The following FGGY variants were observed in gnomAD, a reference collection of about 807,000 sequenced individuals.
FGGY encodes FGGY carbohydrate kinase domain-containing protein.
In FGGY, 72 loss-of-function variants were observed where a neutral mutation model predicts 71.3. The ratio of observed to expected loss-of-function variants is 1.01; its 90% CI spans 0.84 to 1.23. The LOEUF (loss-of-function observed/expected upper bound fraction) is 1.23. Among genes scored for constraint, FGGY ranks in the 50% most tolerant of loss-of-function variants. The probability of loss-of-function intolerance (pLI) is 0.00; values close to 1 mark genes in which losing one functional copy is unlikely to be tolerated. For synonymous variants in FGGY, 251 were observed against 250.3 expected (o/e 1.00, Z -0.02); for missense variants, 668 against 682.3 (o/e 0.98, Z 0.23).
At chr1:59,451,052 T>G (rs2072582657) in intron 5 of FGGY, among the ~76,000 whole-genome samples, 1 of 152,072 alleles carries the variant, frequency 6.6e-6, no homozygotes, top group African/African-American at 2.4e-5. Flanking sequence ...TGTTCCATCT[T>G]ATTTTGTTTT....
At chr1:59,482,600 GTA>G (rs1289753356) in intron 6 of FGGY, among the ~76,000 whole-genome samples, 1 of 145,570 alleles carries the variant, frequency 6.9e-6, no homozygotes, top group Non-Finnish European at 1.5e-5. Flanking sequence ...GTCTGTGTGT[GTA>G]TATATACATA....
At chr1:59,640,275 A>G (rs1369660857) in intron 11 of FGGY, among the ~76,000 whole-genome samples, 1 of 152,208 alleles carries the variant, frequency 6.6e-6, no homozygotes, top group Admixed American at 6.5e-5. Context: ...AGCAATTCTG[A>G]GCTAAACACT....
intron 10 of FGGY, among the ~76,000 whole-genome samples, chr1:59,632,808 C>T (rs1010892665): frequency 6.6e-6 from 1 of 152,030 alleles, no homozygotes; most frequent in Admixed American, 6.6e-5. Flanking sequence ...AACCTTGGAC[C>T]GTCATTCTGA....
intron 7 of FGGY, among the ~76,000 whole-genome samples, chr1:59,517,305 G>A (rs1039755626): frequency 2.6e-5 from 3 of 114,498 alleles, no homozygotes; most frequent in African/African-American, 3.5e-5. Flanking sequence ...TCGCTCTGTC[G>A]CCCAGGCTGG....
intron 11 of FGGY, among the ~76,000 whole-genome samples, chr1:59,642,165 G>A (rs2097036635): frequency 6.6e-6 from 1 of 152,170 alleles, no homozygotes; most frequent in Admixed American, 6.5e-5. Flanking sequence ...TGTAAACTTG[G>A]GAGGAAGGGT....
intron 12 of FGGY, among the ~76,000 whole-genome samples, chr1:59,664,387 T>G (rs2097305014): frequency 6.6e-6 from 1 of 152,190 alleles, no homozygotes; most frequent in Admixed American, 6.5e-5. Context: ...CAATACCACA[T>G]GGGGGAGAGA....
chr1:59,597,249 G>T (rs1372415120), intron 8 of FGGY, among the ~76,000 whole-genome samples: 1 of 152,190 alleles, frequency 6.6e-6, no homozygotes, highest in Non-Finnish European at 1.5e-5. Flanking sequence ...AAAAGGCAAT[G>T]ATTGATGCTT....
At chr1:59,546,875 T>A (rs1308015729) in intron 7 of FGGY, among the ~76,000 whole-genome samples, 2 of 151,662 alleles carry the variant, frequency 1.3e-5, no homozygotes, top group East Asian at 3.9e-4. Context: ...TAGGATTTAG[T>A]TGGGGTAAGT....
In FGGY at chr1:59,582,323, G is replaced by T. The variant is rs1002445775; in HGVS notation, c.904-25480G>T. 8.7e-5 allele frequency among the ~76,000 whole-genome samples: 13 copies of T among 150,022 alleles called. 1 individual carries two copies. The highest frequency in any genetic ancestry group is 8.6e-4 in the Admixed American group (13 of 15,162). On this transcript the variant is annotated intron_variant, in intron 8 of 15. Coordinates refer to ENST00000303721, the MANE Select transcript of FGGY (RefSeq NM_018291.5). ...AAAATTGAGTCCCAGAAGGGAAAAG[G>T]TCTTGGCCATTATTTCTTCTGTCAG... is the stretch of plus-strand genomic sequence containing the variant.
At chr1:59,498,642 C>T (rs11808336) in intron 6 of FGGY, among the ~76,000 whole-genome samples, 7,655 of 152,236 alleles carry the variant, frequency 0.05, 237 homozygotes, top group East Asian at 0.12. Flanking sequence ...ATGCACACTT[C>T]TAACAAGTTC....
intron 2 of FGGY, among the ~76,000 whole-genome samples, chr1:59,328,529 A>G (rs1180786513): frequency 6.6e-6 from 1 of 152,226 alleles, no homozygotes; most frequent in Non-Finnish European, 1.5e-5. Context: ...CCATATCAGC[A>G]ATAAGACTGT....
Position 59,674,046 on chromosome 1 carries a change from T to A in FGGY, c.1425T>A (p.Pro475=), listed in dbSNP as rs1376831716. 1 of 1,613,432 alleles carries A rather than the reference T, an allele frequency of 6.2e-7. No homozygotes were observed. Among genetic ancestry groups the A allele is most frequent in the Non-Finnish European group, 8.5e-7 (1 of 1,179,764 alleles). ...VQMHADITGM[P]VVLSQEVESV... ...TGGCCTTGTCCTGCGCAGGCATGCC[T>A]GTGGTCCTGTCGCAAGAGGTGGAGT... is the stretch of plus-strand genomic sequence containing the variant. The change falls in exon 14 of 16, where the codon CCT becomes CCA. Residue 475 remains proline, a synonymous_variant. Coordinates refer to ENST00000303721, the MANE Select transcript of FGGY (RefSeq NM_018291.5).
intron 13 of FGGY, chr1:59,673,526 G>A (rs2097402000): frequency 6.5e-6 from 1 of 154,586 alleles, no homozygotes; most frequent in East Asian, 1.9e-4. Flanking sequence ...TGCACCCTGA[G>A]AGAGGGGAGA....
At chr1:59,429,469 T>C (rs2066956828) in intron 5 of FGGY, among the ~76,000 whole-genome samples, 2 of 152,192 alleles carry the variant, frequency 1.3e-5, no homozygotes, top group African/African-American at 4.8e-5. Context: ...TTCTGGGGAT[T>C]TGATCAAAAC....
chr1:59,393,309 G>C (rs1402885995), intron 5 of FGGY: 2 of 152,242 alleles, frequency 1.3e-5, no homozygotes, highest in African/African-American at 4.8e-5. Flanking sequence ...GTCAGTATGT[G>C]GGGGAGGGAC....
At chr1:59,304,690 A>G (rs1378487347) in intron 1 of FGGY, among the ~76,000 whole-genome samples, 1 of 152,084 alleles carries the variant, frequency 6.6e-6, no homozygotes, top group Non-Finnish European at 1.5e-5. Context: ...TATTTCTACC[A>G]GTCTGTGAAC....
intron 6 of FGGY, among the ~76,000 whole-genome samples, chr1:59,490,597 G>A (rs897428044): frequency 1.3e-5 from 2 of 151,832 alleles, no homozygotes; most frequent in African/African-American, 4.8e-5. Context: ...ATTTTCCCTG[G>A]CCAATATCCT....
chr1:59,704,095 A>G (rs1252426353), intron 14 of FGGY, among the ~76,000 whole-genome samples: 1 of 152,158 alleles, frequency 6.6e-6, no homozygotes, highest in African/African-American at 2.4e-5. Flanking sequence ...TGCGCTAGAC[A>G]GGAATGTGTA....
chr1:59,703,046 C>T (rs1465558682), intron 14 of FGGY, among the ~76,000 whole-genome samples: 3 of 152,274 alleles, frequency 2.0e-5, no homozygotes, highest in Admixed American at 2.0e-4. Flanking sequence ...GTTGCCTTTT[C>T]TTATACTCCA....
Sources: allele counts gnomAD v4.1 joint callset (sites outside exome capture counted in the v4.1 genomes callset), GRCh38; gene constraint gnomAD v4.1.1; transcripts MANE v1.5; gene names NCBI Gene and HGNC (gene_info 2026-07-23, HGNC 2026-07-21).